The following MBP variants were observed in gnomAD, a reference collection of about 807,000 sequenced individuals.
MBP encodes Golli-MBP.
In MBP, 16 loss-of-function variants were observed where a neutral mutation model predicts 35.8. The observed-to-expected ratio is 0.45, with a 90% CI of 0.30 to 0.68. The LOEUF is 0.68. Ranked by LOEUF, MBP falls within the 30% of genes least tolerant of loss-of-function variation. The probability of loss-of-function intolerance (pLI) is 0.08; values close to 1 mark genes in which losing one functional copy is unlikely to be tolerated. For synonymous variants in MBP, 143 were observed against 159.6 expected, an observed-to-expected ratio of 0.90 and a Z score of 0.78; for missense variants, 380 against 404.7, an observed-to-expected ratio of 0.94 and a Z score of 0.52.
chr18:77,060,770 C>G (rs1412471162), intron 3 of MBP, among the ~76,000 whole-genome samples: 1 of 152,130 alleles, frequency 6.6e-6, no homozygotes, highest in Non-Finnish European at 1.5e-5. Flanking sequence ...TCTCAATGGG[C>G]CCTTGCAACA....
At chr18:77,083,972 G>A (rs1308339936) in intron 2 of MBP, among the ~76,000 whole-genome samples, 4 of 151,784 alleles carry the variant, frequency 2.6e-5, no homozygotes, top group Non-Finnish European at 5.9e-5. Flanking sequence ...TTAAGTGGGT[G>A]AATTGTATGT....
Position 77,131,548 on chromosome 18 carries a change from A to G in MBP, c.-26+1032T>C, listed in dbSNP as rs553823049. 1 of 152,180 alleles carries G rather than the reference A, an allele frequency of 6.6e-6. No homozygotes were observed. The highest frequency in any genetic ancestry group is 1.5e-5 in the Non-Finnish European group (1 of 68,028). The allele number at this position is 152,180 out of a possible 1,614,324, so 9.4% of individuals were successfully genotyped here. On this transcript the variant is annotated intron_variant, in intron 1 of 8. Coordinates refer to ENST00000355994, the MANE Select transcript of MBP (RefSeq NM_001025101.2). The surrounding 1 kb of genome is among the most constrained non-coding windows in gnomAD (Gnocchi z 5.5). ...ACTTGTTGATTCTCACGTTGTTGCA[A>G]TTGGAAAACGGAACAAGGAACCAGA...
chr18:77,075,048 T>C (rs1260375716), intron 2 of MBP, among the ~76,000 whole-genome samples: 1 of 152,158 alleles, frequency 6.6e-6, no homozygotes, highest in Non-Finnish European at 1.5e-5. Flanking sequence ...TCTAAATAAA[T>C]AAAAGCCTAT....
intron 3 of MBP, among the ~76,000 whole-genome samples, chr18:77,062,556 A>T (rs1974024943): frequency 6.6e-6 from 1 of 152,096 alleles, no homozygotes; most frequent in Admixed American, 6.5e-5. Flanking sequence ...AGTGTGCTCT[A>T]ACGAGTTATT....
chr18:77,131,060 A>AACACAC lies in MBP; in HGVS notation c.-26+1514_-26+1519dup, dbSNP rs371361297. 8.3e-6 allele frequency among the ~76,000 whole-genome samples: 1 copy of AACACAC among 120,118 alleles called. No homozygotes were observed. The highest frequency in any genetic ancestry group is 8.5e-5 in the Admixed American group (1 of 11,814). The allele number at this position is 120,118 out of a possible 152,430, so 78.8% of individuals were successfully genotyped here. ...AAAAAAACAAAACCTCAAAAAACAA[A>AACACAC]ACACACACACGCGCGCACGCACGCG... On this transcript the variant is annotated intron_variant, in intron 1 of 8. Transcript: ENST00000355994. The surrounding 1 kb of genome is among the most constrained non-coding windows in gnomAD (Gnocchi z 5.5).
chr18:77,104,735 T>A (rs1035710995), intron 2 of MBP, among the ~76,000 whole-genome samples: 2 of 147,456 alleles, frequency 1.4e-5, no homozygotes, highest in African/African-American at 4.9e-5. Context: ...AATAAAAATG[T>A]TAAAAAAAAT....
At chr18:77,066,163 CTATGTTTTAGTAATGA>C (rs1555723854) in intron 3 of MBP, 119 bp downstream of exon 3, 1 of 664,336 alleles carries the variant, frequency 1.5e-6, no homozygotes, top group Non-Finnish European at 2.7e-6. Context: ...ATCCCAGCCT[CTATGTTTTAGTAATGA>C]GTACAGACAG....
intron 3 of MBP, among the ~76,000 whole-genome samples, chr18:77,022,394 C>T (rs979680489): frequency 2.6e-5 from 4 of 152,150 alleles, no homozygotes; most frequent in East Asian, 3.8e-4. Context: ...CGGGAGACTT[C>T]GGTGGCACCG....
chr18:77,078,579 C>T (rs962860273), intron 2 of MBP, among the ~76,000 whole-genome samples: 7 of 152,226 alleles, frequency 4.6e-5, no homozygotes, highest in South Asian at 2.1e-4. Context: ...TCAGGAAATT[C>T]GAAGCCGTCT....
chr18:77,087,263 A>C (rs1975280512), intron 2 of MBP: 1 of 152,166 alleles, frequency 6.6e-6, no homozygotes, highest in African/African-American at 2.4e-5. Context: ...CCTGGCGGGG[A>C]GGAACACGCG....
At chr18:76,993,618 T>C (rs1481371525) in intron 4 of MBP, among the ~76,000 whole-genome samples, 6 of 151,714 alleles carry the variant, frequency 4.0e-5, no homozygotes, top group African/African-American at 1.2e-4. Context: ...AGCAACTCCA[T>C]ATTTTCCTAG....
intron 1 of MBP, chr18:77,109,237 C>T (rs1976373006): frequency 6.6e-6 from 1 of 152,338 alleles, no homozygotes; most frequent in African/African-American, 2.4e-5. Flanking sequence ...GCATCCACTC[C>T]TAAACTGACA....
intron 3 of MBP, among the ~76,000 whole-genome samples, chr18:77,047,994 C>T (rs1387181713): frequency 6.6e-6 from 1 of 152,192 alleles, no homozygotes; most frequent in African/African-American, 2.4e-5. Context: ...AAATAATTTT[C>T]AACAATGTGA....
intron 4 of MBP, among the ~76,000 whole-genome samples, chr18:76,991,681 A>G (rs1452789650): frequency 6.6e-6 from 1 of 152,170 alleles, no homozygotes; most frequent in African/African-American, 2.4e-5. Context: ...TAAAGAGCCC[A>G]CACCTCAGGC....
At chr18:77,120,091 A>G (rs529553549) in intron 1 of MBP, among the ~76,000 whole-genome samples, 1 of 152,340 alleles carries the variant, frequency 6.6e-6, no homozygotes, top group East Asian at 1.9e-4. Flanking sequence ...AGCCGTGCTC[A>G]GCCCACGAAG....
chr18:77,033,743 T>C (rs1044089667), intron 3 of MBP, among the ~76,000 whole-genome samples: 7 of 140,718 alleles, frequency 5.0e-5, no homozygotes, highest in African/African-American at 1.9e-4. Flanking sequence ...TTTATCTACC[T>C]ATGCATCAAT....
intron 7 of MBP, 182 bp from the exon 8 acceptor site, chr18:76,985,076 C>T (rs1969466646): frequency 6.6e-7 from 1 of 1,505,354 alleles, no homozygotes. Flanking sequence ...GGCTGCTCCC[C>T]CAGGTCTACC....
chr18:77,124,804 C>T (rs141719819), intron 1 of MBP, among the ~76,000 whole-genome samples: 27 of 152,310 alleles, frequency 1.8e-4, no homozygotes, highest in African/African-American at 6.5e-4. Context: ...TCATGCTAGA[C>T]TGCTCTTAGA....
At chr18:77,063,319 G>A (rs79370759) in intron 3 of MBP, among the ~76,000 whole-genome samples, 16,580 of 152,156 alleles carry the variant, frequency 0.11, 1,154 homozygotes, top group Non-Finnish European at 0.15. Flanking sequence ...CAGTTCAACA[G>A]GCCCTTCCAG....
Sources: gnomAD v4.1 joint callset for allele counts (sites outside exome capture counted in the v4.1 genomes callset) on GRCh38, gnomAD v4.1.1 for gene constraint, Gnocchi (gnomAD v3.1) non-coding constraint, MANE v1.5 for transcripts, NCBI Gene and HGNC (gene_info 2026-07-23, HGNC 2026-07-21) for gene names.